The following ADGRL3 variants were observed in gnomAD, a reference collection of about 807,000 sequenced individuals.
ADGRL3 encodes adhesion G protein-coupled receptor L3, also known as calcium-independent alpha-latrotoxin receptor 3.
Under a neutral mutation model 153.5 loss-of-function variants are expected in ADGRL3, and 62 were observed. The observed-to-expected ratio is 0.40, with a 90% CI of 0.33 to 0.50. The LOEUF (loss-of-function observed/expected upper bound fraction) is 0.50. Ranked by LOEUF, ADGRL3 falls within the 20% of genes least tolerant of loss-of-function variation. The pLI is 0.47. For missense variants in ADGRL3, 1,641 were observed against 1,859.4 expected (o/e 0.88, Z 2.16); for synonymous variants, 710 against 672.5 (o/e 1.06, Z -0.86).
intron 8 of ADGRL3, among the ~76,000 whole-genome samples, chr4:61,766,592 A>C (rs1422274795): frequency 1.3e-5 from 2 of 151,994 alleles, no homozygotes; most frequent in African/African-American, 4.8e-5. Flanking sequence ...TTTTATGAGA[A>C]TTATGCCAAG....
At chr4:61,240,691 A>G (rs1430151880) in intron 1 of ADGRL3, among the ~76,000 whole-genome samples, 1 of 152,108 alleles carries the variant, frequency 6.6e-6, no homozygotes, top group Non-Finnish European at 1.5e-5. Context: ...GATGTTTGCT[A>G]GGGATATACT....
intron 5 of ADGRL3, among the ~76,000 whole-genome samples, chr4:61,651,102 C>G (rs946364088): frequency 6.6e-6 from 1 of 152,010 alleles, no homozygotes; most frequent in African/African-American, 2.4e-5. Context: ...ATTTACTTGG[C>G]AGTTTAAAAA....
At chr4:61,381,645 T>C (rs961457738) in intron 1 of ADGRL3, among the ~76,000 whole-genome samples, 5 of 151,756 alleles carry the variant, frequency 3.3e-5, no homozygotes, top group African/African-American at 1.2e-4. Flanking sequence ...ATAAAAGATC[T>C]TAAAGGTGAT....
chr4:61,307,728 A>C (rs887620257), intron 1 of ADGRL3, among the ~76,000 whole-genome samples: 3 of 152,186 alleles, frequency 2.0e-5, no homozygotes, highest in Admixed American at 1.3e-4. Flanking sequence ...ATAATATGAA[A>C]AAGTAAAACC....
At chr4:61,418,362 A>G (rs879738445) in intron 2 of ADGRL3, among the ~76,000 whole-genome samples, 6 of 152,230 alleles carry the variant, frequency 3.9e-5, no homozygotes, top group African/African-American at 7.2e-5. Flanking sequence ...GGTCTCTGCC[A>G]TAGCAATTGT....
chr4:61,336,023 GA>G (rs1445047417), intron 1 of ADGRL3, among the ~76,000 whole-genome samples: 2 of 151,926 alleles, frequency 1.3e-5, no homozygotes, highest in Non-Finnish European at 2.9e-5. Context: ...TTGATAAAAA[GA>G]AAATCAAGGA....
chr4:61,755,736 G>C (rs1362317825), intron 8 of ADGRL3, among the ~76,000 whole-genome samples: 1 of 152,142 alleles, frequency 6.6e-6, no homozygotes, highest in Non-Finnish European at 1.5e-5. Flanking sequence ...TTTATTCTAG[G>C]TTTTTTATGG....
At chr4:61,739,116 T>C (rs1444811521) in intron 8 of ADGRL3, among the ~76,000 whole-genome samples, 1 of 152,184 alleles carries the variant, frequency 6.6e-6, no homozygotes, top group Non-Finnish European at 1.5e-5. Context: ...TTAGCATTCA[T>C]ATAGCAAATA....
At chr4:61,637,259 A>G (rs543142910) in intron 5 of ADGRL3, among the ~76,000 whole-genome samples, 232 of 152,262 alleles carry the variant, frequency 1.5e-3, no homozygotes, top group Non-Finnish European at 2.6e-3. Flanking sequence ...TAAATAGGGG[A>G]AATTTGAACA....
rs565993147 is a variant in ADGRL3, at chr4:61,376,571, C to G, written c.-239-6553C>G. ...AAGGAGAGCAGGAAACCCCCTGCCC[C>G]AGGTCATTAGTCCATCTTGCTCATA... On this transcript the variant is annotated intron_variant, in intron 1 of 26. Coordinates refer to ENST00000683033, the MANE Select transcript of ADGRL3 (RefSeq NM_001387552.1). Among the ~76,000 whole-genome samples the G allele has an allele frequency of 2.6e-5, 4 of 152,188 alleles. No individual in the cohort carries two copies. The East Asian group carries it at 7.7e-4, about 29-fold the overall frequency.
In ADGRL3 at chr4:61,200,724, G is replaced by A. The variant is rs915179633; in HGVS notation, c.-1281G>A. ...CGTGTGTGCGCGTGTGTGAGTGTGC[G>A]TGTCTGGAGAGCGCCAGTGCCTCGC... On this transcript the variant is annotated 5_prime_UTR_variant, in exon 1 of 27. It adds an upstream start codon to the 5' untranslated region. Coordinates refer to ENST00000683033, the MANE Select transcript of ADGRL3 (RefSeq NM_001387552.1). Among the ~76,000 whole-genome samples, 1 of 152,094 alleles carries A rather than the reference G, an allele frequency of 6.6e-6. No homozygotes were observed. The highest frequency in any genetic ancestry group is 2.4e-5 in the African/African-American group (1 of 41,430).
intron 21 of ADGRL3, among the ~76,000 whole-genome samples, chr4:62,007,586 A>G (rs567425164): frequency 1.3e-5 from 2 of 150,628 alleles, no homozygotes; most frequent in East Asian, 2.0e-4. Flanking sequence ...TTAGAGTTCC[A>G]TCCAGGAGCC....
chr4:61,859,354 TC>T (rs1285597773), intron 9 of ADGRL3, among the ~76,000 whole-genome samples: 1 of 152,148 alleles, frequency 6.6e-6, no homozygotes, highest in East Asian at 1.9e-4. Context: ...AATTTGCAAA[TC>T]AAGTAATAAT....
chr4:61,858,083 T>C (rs747280255), intron 9 of ADGRL3, among the ~76,000 whole-genome samples: 24 of 152,164 alleles, frequency 1.6e-4, no homozygotes, highest in Admixed American at 7.9e-4. Context: ...GAAAAGATAA[T>C]GTATTAAGTT....
chr4:61,470,726 G>A (rs1368278182), intron 2 of ADGRL3, among the ~76,000 whole-genome samples: 4 of 151,922 alleles, frequency 2.6e-5, no homozygotes, highest in Middle Eastern at 3.4e-3. Flanking sequence ...AGACATTCAT[G>A]TAATATGGTT....
At chr4:61,836,957 A>G (rs77500322) in intron 9 of ADGRL3, among the ~76,000 whole-genome samples, 4,782 of 152,266 alleles carry the variant, frequency 0.031, 100 homozygotes, top group Non-Finnish European at 0.049. Context: ...AAGAAAGGTC[A>G]CCACTGACTG....
intron 8 of ADGRL3, among the ~76,000 whole-genome samples, chr4:61,749,156 T>C (rs1193513439): frequency 6.6e-6 from 1 of 151,982 alleles, no homozygotes; most frequent in Admixed American, 6.5e-5. Flanking sequence ...AAAACCGCAA[T>C]GAGATACCAT....
At chr4:61,538,992 A>G (rs1045403489) in intron 4 of ADGRL3, among the ~76,000 whole-genome samples, 4 of 152,116 alleles carry the variant, frequency 2.6e-5, no homozygotes, top group Non-Finnish European at 2.9e-5. Context: ...CATGACCTTC[A>G]GCTCATATAG....
intron 9 of ADGRL3, among the ~76,000 whole-genome samples, chr4:61,836,392 G>A (rs189473368): frequency 1.4e-4 from 21 of 152,134 alleles, no homozygotes; most frequent in Admixed American, 1.2e-3. Flanking sequence ...GAAGCCAAGT[G>A]GAAACAATTT....
Sources: allele counts gnomAD v4.1 joint callset (sites outside exome capture counted in the v4.1 genomes callset), GRCh38; gene constraint gnomAD v4.1.1; transcripts MANE v1.5; gene names NCBI Gene and HGNC (gene_info 2026-07-23, HGNC 2026-07-21).